DNAH14: variants seen among roughly 807,000 people sequenced by gnomAD.
DNAH14 encodes axonemal beta dynein heavy chain 14.
Under a neutral mutation model 520.9 loss-of-function variants are expected in DNAH14, and 478 were observed. The ratio of observed to expected loss-of-function variants is 0.92; its 90% CI spans 0.85 to 0.99. The LOEUF (loss-of-function observed/expected upper bound fraction) is 0.99, where lower values mean the gene tolerates loss of function less well. Among genes scored for constraint, DNAH14 ranks in the 50% least tolerant of loss-of-function variants. The probability of loss-of-function intolerance (pLI) is 0.00; values close to 1 mark genes in which losing one functional copy is unlikely to be tolerated. For missense variants in DNAH14, 4,831 were observed against 5,234.5 expected (o/e 0.92, Z 2.38); for synonymous variants, 1,581 against 1,757.2 (o/e 0.90, Z 2.51).
chr1:224,985,004 G>A (rs957027184), intron 8 of DNAH14, among the ~76,000 whole-genome samples: 19 of 152,228 alleles, frequency 1.2e-4, no homozygotes, highest in African/African-American at 4.1e-4. Context: ...GGAACACTTC[G>A]ACACTGCTGG....
chr1:225,322,925 A>G, intron 62 of DNAH14, 102 bp downstream of exon 62: 3 of 1,189,402 alleles, frequency 2.5e-6, no homozygotes, highest in Non-Finnish European at 3.4e-6. Flanking sequence ...TGGAGAGACT[A>G]TTTTCTAGGA....
chr1:225,155,056 A>G (rs1198597588), intron 34 of DNAH14, among the ~76,000 whole-genome samples: 1 of 152,168 alleles, frequency 6.6e-6, no homozygotes, highest in African/African-American at 2.4e-5. Flanking sequence ...ACGTAATGAA[A>G]GAATGCAAAT....
chr1:225,249,493 G>T (rs1462727562), intron 43 of DNAH14, among the ~76,000 whole-genome samples: 1 of 152,168 alleles, frequency 6.6e-6, no homozygotes, highest in Non-Finnish European at 1.5e-5. Flanking sequence ...TGAGCCCTAT[G>T]ATTGCCCCAG....
chr1:225,137,801 C>T (rs952177833), intron 27 of DNAH14, among the ~76,000 whole-genome samples: 3 of 152,144 alleles, frequency 2.0e-5, no homozygotes, highest in Non-Finnish European at 2.9e-5. Context: ...GTAGAGCAGG[C>T]GTGTTTCACT....
At chr1:225,103,773 G>C (rs2075746400) in intron 23 of DNAH14, among the ~76,000 whole-genome samples, 1 of 152,174 alleles carries the variant, frequency 6.6e-6, no homozygotes, top group South Asian at 2.1e-4. Context: ...TTGCCTATCA[G>C]CTTAAGGAGA....
intron 15 of DNAH14, among the ~76,000 whole-genome samples, chr1:225,045,579 A>C (rs565050904): frequency 1.4e-4 from 22 of 152,176 alleles, no homozygotes; most frequent in African/African-American, 5.1e-4. Flanking sequence ...TGACCTTGAG[A>C]TACTGGTAAT....
chr1:225,055,076 A>T, intron 17 of DNAH14, among the ~76,000 whole-genome samples: 2 of 148,882 alleles, frequency 1.3e-5, no homozygotes, highest in Non-Finnish European at 1.5e-5. Flanking sequence ...TCATTTTGGG[A>T]GTTTTATTCT....
intron 10 of DNAH14, among the ~76,000 whole-genome samples, chr1:225,016,337 G>T (rs2065215760): frequency 6.6e-6 from 1 of 152,020 alleles, no homozygotes; most frequent in Non-Finnish European, 1.5e-5. Flanking sequence ...AATATTCTTG[G>T]CTGATAGTTT....
intron 72 of DNAH14, 121 bp downstream of exon 72, chr1:225,352,004 A>G (rs1259624846): frequency 2.7e-6 from 2 of 729,938 alleles, no homozygotes; most frequent in Non-Finnish European, 4.4e-6. Flanking sequence ...GACTATAACT[A>G]CATTTTCAGC....
chr1:225,247,917 G>A (rs1419144731), intron 43 of DNAH14, among the ~76,000 whole-genome samples: 1 of 152,146 alleles, frequency 6.6e-6, no homozygotes, highest in South Asian at 2.1e-4. Flanking sequence ...TACTGGGGAG[G>A]CTGAGGCAGG....
chr1:225,187,616 T>C (rs115693401), intron 37 of DNAH14, among the ~76,000 whole-genome samples: 4 of 152,030 alleles, frequency 2.6e-5, no homozygotes, highest in Non-Finnish European at 5.9e-5. Context: ...TAGCAATGTA[T>C]GAGGCTTTCT....
intron 23 of DNAH14, among the ~76,000 whole-genome samples, chr1:225,108,654 A>G (rs1396939598): frequency 1.3e-5 from 2 of 152,134 alleles, no homozygotes; most frequent in African/African-American, 4.8e-5. Context: ...ATTTTCTCCC[A>G]TTCTGTGGGT....
chr1:225,134,595 G>A (rs975618681), intron 27 of DNAH14, among the ~76,000 whole-genome samples: 1 of 152,012 alleles, frequency 6.6e-6, no homozygotes, highest in Non-Finnish European at 1.5e-5. Context: ...GGTGAATAAG[G>A]TTTTTGATGT....
chr1:225,147,108 T>C lies in DNAH14; in HGVS notation c.4799T>C (p.Val1600Ala), dbSNP rs1274258122. The C allele has an allele frequency of 4.6e-6, 7 of 1,505,496 alleles. No homozygotes were observed. Among genetic ancestry groups the C allele is most frequent in the Admixed American group, 2.5e-5 (1 of 40,072 alleles). 93.3% of individuals were successfully genotyped at this position (1,505,496 alleles called of 1,614,324 possible). A position where few individuals can be genotyped will look rare whatever the true frequency, so the allele number is the denominator to read the frequency against. ...NCFEDLDYKI[V>A]RKFFFGLVQS... Reference sequence around the variant, plus strand: ...ATCTCTTTTTTTTTTTAAAAGATAGTGAGAAAATTTTTCTTTGGACTAGTT... The same window carrying C: ...ATCTCTTTTTTTTTTTAAAAGATAGCGAGAAAATTTTTCTTTGGACTAGTT... The change falls in exon 31 of 86, where the codon GTG (valine) becomes GCG (alanine). Residue 1600 changes from valine (V) to alanine (A), a missense_variant. Transcript: ENST00000682510.
chr1:225,081,756 A>G (rs968289252), intron 19 of DNAH14, among the ~76,000 whole-genome samples: 2 of 152,098 alleles, frequency 1.3e-5, no homozygotes, highest in Admixed American at 1.3e-4. Flanking sequence ...TCTTTATTTT[A>G]TAAGTTGAGT....
intron 11 of DNAH14, among the ~76,000 whole-genome samples, chr1:225,037,911 G>C (rs1430196324): frequency 6.6e-6 from 1 of 152,054 alleles, no homozygotes; most frequent in Non-Finnish European, 1.5e-5. Flanking sequence ...CCCAACTCCT[G>C]ACCTCAGGTG....
chr1:225,143,718 AT>A (rs1437456101), intron 28 of DNAH14, among the ~76,000 whole-genome samples: 1 of 150,194 alleles, frequency 6.7e-6, no homozygotes, highest in Non-Finnish European at 1.5e-5. Flanking sequence ...ATGTTTTAAT[AT>A]TTAAAAAAAA....
At chr1:225,073,991 GTTTTTTT>G (rs34546228) in intron 17 of DNAH14, among the ~76,000 whole-genome samples, 1 of 55,044 alleles carries the variant, frequency 1.8e-5, no homozygotes, top group Non-Finnish European at 3.6e-5. Context: ...GTTTTAGGAA[GTTTTTTT>G]TTTTTTTTTT....
In DNAH14 at chr1:225,322,085, C is replaced by CTTTTTTTTTTTTTTTT. The variant is rs3047035; in HGVS notation, c.9336-571_9336-556dup. Among the ~76,000 whole-genome samples, 399 of 90,158 alleles carry CTTTTTTTTTTTTTTTT rather than the reference C, an allele frequency of 4.4e-3. 3 individuals are homozygous for CTTTTTTTTTTTTTTTT. Among genetic ancestry groups the CTTTTTTTTTTTTTTTT allele is most frequent in the East Asian group, 9.4e-3 (24 of 2,564 alleles). The allele number at this position is 90,158 out of a possible 152,430, so 59.1% of individuals were successfully genotyped here. ...TGAAGACTTTTCTTTTTTTTTCTTT[C>CTTTTTTTTTTTTTTTT]TTTTTTTTTTTTTTTTTTTTTTTGA... On this transcript the variant is annotated intron_variant, in intron 61 of 85. Coordinates refer to ENST00000682510, the MANE Select transcript of DNAH14 (RefSeq NM_001367479.1).
Sources: gnomAD v4.1 joint callset for allele counts (sites outside exome capture counted in the v4.1 genomes callset) on GRCh38, gnomAD v4.1.1 for gene constraint, MANE v1.5 for transcripts, NCBI Gene and HGNC (gene_info 2026-07-23, HGNC 2026-07-21) for gene names.